The following PEX7 variants were observed in gnomAD, a reference collection of about 807,000 sequenced individuals.
The protein encoded by PEX7 is peroxisomal biogenesis factor 7, also known as PTS2 receptor.
In PEX7, 34 loss-of-function variants were observed where a neutral mutation model predicts 47.5. The observed-to-expected ratio is 0.72, with a 90% CI of 0.54 to 0.95. The LOEUF is 0.95. Among genes scored for constraint, PEX7 ranks in the 40% least tolerant of loss-of-function variants. PEX7 has a pLI of 0.00. For synonymous variants in PEX7, 141 were observed against 148.8 expected (o/e 0.95, Z 0.38); for missense variants, 394 against 400.3 (o/e 0.98, Z 0.13).
chr6:136,844,300 G>A, intron 3 of PEX7, among the ~76,000 whole-genome samples: 1 of 152,152 alleles, frequency 6.6e-6, no homozygotes, highest in East Asian at 1.9e-4. Flanking sequence ...AGCCCAGGAG[G>A]TCATCGCTGC....
Position 136,900,753 on chromosome 6 carries a change from C to T in PEX7, c.903+2512C>T. 5.8e-6 allele frequency: 2 copies of T among 343,374 alleles called. No individual in the cohort carries two copies. Among genetic ancestry groups the T allele is most frequent in the East Asian group, 9.0e-5 (1 of 11,086 alleles). The allele number at this position is 343,374 out of a possible 1,614,324, so 21.3% of individuals were successfully genotyped here. On this transcript the variant is annotated intron_variant, in intron 9 of 9. Transcript: ENST00000318471. The surrounding 1 kb of genome is among the most constrained non-coding windows in gnomAD (Gnocchi z 4.2). ...CCACCAAGGTGGTGACGGTGTTAAC[C>T]CCAGCTTGAAGGACAGGTGGTCTCT... is the stretch of plus-strand genomic sequence containing the variant.
At chr6:136,895,909 G>A (rs1019724610) in intron 8 of PEX7, among the ~76,000 whole-genome samples, 17 of 152,212 alleles carry the variant, frequency 1.1e-4, no homozygotes, top group African/African-American at 4.1e-4. Context: ...AATTATGTCT[G>A]TGATTCTGTG....
At chr6:136,891,838 T>A (rs1775560980) in intron 8 of PEX7, among the ~76,000 whole-genome samples, 1 of 152,132 alleles carries the variant, frequency 6.6e-6, no homozygotes. Flanking sequence ...AGAGACAGGG[T>A]TTCATCACGT....
intron 3 of PEX7, among the ~76,000 whole-genome samples, chr6:136,844,052 G>T (rs920938375): frequency 2.0e-5 from 3 of 151,942 alleles, no homozygotes; most frequent in Non-Finnish European, 4.4e-5. Context: ...TTTTTTCCAG[G>T]TTTATTATGA....
chr6:136,872,169 G>A (rs751725523), intron 7 of PEX7, 29 bp from the exon 8 acceptor site: 46 of 1,589,416 alleles, frequency 2.9e-5, no homozygotes, highest in Non-Finnish European at 3.9e-5. Context: ...ACTTCAAAAA[G>A]GGTTTTTTTT....
At chr6:136,840,163 A>T (rs979290083) in intron 3 of PEX7, among the ~76,000 whole-genome samples, 2 of 152,202 alleles carry the variant, frequency 1.3e-5, no homozygotes, top group Non-Finnish European at 1.5e-5. Context: ...AAATCAATGA[A>T]ATATTTTATA....
At chr6:136,904,568 T>G (rs1775809409) in intron 9 of PEX7, among the ~76,000 whole-genome samples, 1 of 151,888 alleles carries the variant, frequency 6.6e-6, no homozygotes, top group African/African-American at 2.4e-5. Context: ...TGCACTGTTC[T>G]CATGATAGTG....
chr6:136,866,616 C>CT lies in PEX7; in HGVS notation c.527-6dup. ...TGTGATGGGAAATGATCAAGTCTTCCTTTTTACTAGGTGATCAGACTCTGA... is the reference window on the plus strand; with the variant it reads ...TGTGATGGGAAATGATCAAGTCTTCCTTTTTTACTAGGTGATCAGACTCTGA... On this transcript the variant is annotated splice_polypyrimidine_tract_variant and intron_variant, in intron 5 of 9. Coordinates refer to ENST00000318471, the MANE Select transcript of PEX7 (RefSeq NM_000288.4). The CT allele has an allele frequency of 6.2e-7, 1 of 1,610,038 alleles. No homozygotes were observed. The highest frequency in any genetic ancestry group is 8.5e-7 in the Non-Finnish European group (1 of 1,176,512).
intron 3 of PEX7, among the ~76,000 whole-genome samples, chr6:136,842,961 C>A (rs981353259): frequency 3.3e-5 from 5 of 152,292 alleles, no homozygotes; most frequent in Admixed American, 6.5e-5. Context: ...ATAGGTAATT[C>A]ATGAAAACAC....
At chr6:136,843,450 A>T (rs1774538337) in intron 3 of PEX7, among the ~76,000 whole-genome samples, 1 of 152,210 alleles carries the variant, frequency 6.6e-6, no homozygotes, top group South Asian at 2.1e-4. Context: ...TTTGGAATCA[A>T]GCCATGCGCA....
chr6:136,892,072 A>G (rs1017012010), intron 8 of PEX7, among the ~76,000 whole-genome samples: 10 of 152,354 alleles, frequency 6.6e-5, no homozygotes, highest in Admixed American at 4.6e-4. Flanking sequence ...TAAGTTAGAA[A>G]GAGACAGCAG....
At chr6:136,837,130 G>A (rs1037178342) in intron 3 of PEX7, among the ~76,000 whole-genome samples, 5 of 152,060 alleles carry the variant, frequency 3.3e-5, no homozygotes, top group Non-Finnish European at 7.4e-5. Context: ...GGAGGCTGAG[G>A]TGGGCGGATC....
intron 5 of PEX7, among the ~76,000 whole-genome samples, chr6:136,856,630 T>C (rs945159749): frequency 4.6e-5 from 7 of 152,088 alleles, no homozygotes; most frequent in Non-Finnish European, 8.8e-5. Flanking sequence ...TGTGTGTGGG[T>C]GAGGGGGATA....
At chr6:136,867,360 G>A (rs1419770368) in intron 6 of PEX7, among the ~76,000 whole-genome samples, 5 of 152,080 alleles carry the variant, frequency 3.3e-5, no homozygotes, top group Non-Finnish European at 7.4e-5. Context: ...ATATAATGGA[G>A]CTGAAAAATT....
chr6:136,900,460 T>A lies in PEX7; in HGVS notation c.903+2219T>A. ...AGCCACAGACTTGGGACCAAGGACATTGCCCCCCCAGTGACAGCAGATCTC... is the reference window on the plus strand; with the variant it reads ...AGCCACAGACTTGGGACCAAGGACAATGCCCCCCCAGTGACAGCAGATCTC... On this transcript the variant is annotated intron_variant, in intron 9 of 9. Transcript: ENST00000318471. This position sits in a 1 kb window ranked among gnomAD's most constrained non-coding sequence, Gnocchi z 4.2. The A allele has an allele frequency of 2.2e-6, 1 of 458,432 alleles. No individual in the cohort carries two copies. Among genetic ancestry groups the A allele is most frequent in the Non-Finnish European group, 4.3e-6 (1 of 230,746 alleles). 28.4% of individuals were successfully genotyped at this position (458,432 alleles called of 1,614,324 possible).
At chr6:136,885,671 A>T (rs1466619175) in intron 8 of PEX7, among the ~76,000 whole-genome samples, 1 of 152,228 alleles carries the variant, frequency 6.6e-6, no homozygotes, top group Admixed American at 6.5e-5. Context: ...AGGCTTGGAG[A>T]CAAGTAGTAA....
chr6:136,844,829 C>T (rs1383666979), intron 3 of PEX7, among the ~76,000 whole-genome samples: 5 of 152,102 alleles, frequency 3.3e-5, no homozygotes, highest in South Asian at 2.1e-4. Flanking sequence ...CACATGTAAG[C>T]GGCTTAAGCC....
intron 8 of PEX7, among the ~76,000 whole-genome samples, chr6:136,882,775 T>C (rs375096071): frequency 2.6e-5 from 4 of 152,250 alleles, no homozygotes; most frequent in East Asian, 3.9e-4. Flanking sequence ...TCCAACTCTT[T>C]AGTGACTTTT....
In PEX7 at chr6:136,847,738, A is replaced by G. The variant is rs370766381; in HGVS notation, c.526+1557A>G. ...TTGGTACCAGTACCATGCTGTTTTG[A>G]TTACTGTAGCCTTGTAGTATAGTTT... On this transcript the variant is annotated intron_variant, in intron 5 of 9. Transcript: ENST00000318471. Among the ~76,000 whole-genome samples, 36 of 152,142 alleles carry G rather than the reference A, an allele frequency of 2.4e-4. 4 individuals carry two copies. The highest frequency in any genetic ancestry group is 9.8e-4 in the Admixed American group (15 of 15,278).
Sources: allele counts gnomAD v4.1 joint callset (sites outside exome capture counted in the v4.1 genomes callset), GRCh38; gene constraint gnomAD v4.1.1; non-coding constraint Gnocchi (gnomAD v3.1); transcripts MANE v1.5; gene names NCBI Gene and HGNC (gene_info 2026-07-23, HGNC 2026-07-21).